APOLD1: variants seen among roughly 807,000 people sequenced by gnomAD.
APOLD1 encodes apolipoprotein L domain-containing protein 1.
APOLD1 carries 22 observed loss-of-function variants against 15.3 expected under a neutral mutation model. That is an observed-to-expected ratio of 1.44 (90% CI 1.03 to 2.05). The LOEUF (loss-of-function observed/expected upper bound fraction) is 2.05. Ranked by LOEUF, APOLD1 falls within the 30% of genes most tolerant of loss-of-function variation. The pLI is 0.00. For missense variants in APOLD1, 394 were observed against 353.5 expected (o/e 1.11, Z -0.92); for synonymous variants, 190 against 167.4 (o/e 1.13, Z -1.04).
chr12:12,786,896 T>C lies in APOLD1; in HGVS notation c.4-13T>C. 1.4e-6 allele frequency: 2 copies of C among 1,417,710 alleles called. No homozygotes were observed. The highest frequency in any genetic ancestry group is 3.4e-5 in the Admixed American group (1 of 29,198). The allele number at this position is 1,417,710 out of a possible 1,614,324, so 87.8% of individuals were successfully genotyped here. The stretch of plus-strand genomic sequence containing the variant: ...GGAGACTCCAGGCTGACCGCGTGTC[T>C]ATGTCCCCGCAGGGAATGGAGAGGC... On this transcript the variant is annotated splice_polypyrimidine_tract_variant and intron_variant, in intron 1 of 1. Coordinates refer to ENST00000356591, the MANE Select transcript of APOLD1 (RefSeq NM_030817.3).
intron 1 of APOLD1, among the ~76,000 whole-genome samples, chr12:12,747,237 A>G (rs1466657654): frequency 6.6e-6 from 1 of 152,102 alleles, no homozygotes; most frequent in East Asian, 1.9e-4. Context: ...TCGGCCTCCT[A>G]AAGCACTGGG....
At chr12:12,756,179 C>T (rs970048707) in intron 1 of APOLD1, among the ~76,000 whole-genome samples, 27 of 152,190 alleles carry the variant, frequency 1.8e-4, no homozygotes, top group African/African-American at 6.0e-4. Flanking sequence ...AAAAAGCCCA[C>T]GTGACTGCAT....
chr12:12,786,455 G>A (rs1010814637), intron 1 of APOLD1, among the ~76,000 whole-genome samples: 19 of 152,058 alleles, frequency 1.2e-4, no homozygotes, highest in African/African-American at 4.3e-4. Flanking sequence ...AGAGAAAAGT[G>A]TGTTGCAAAA....
chr12:12,777,055 T>C (rs1947041379), intron 1 of APOLD1, among the ~76,000 whole-genome samples: 2 of 152,232 alleles, frequency 1.3e-5, no homozygotes, highest in Admixed American at 6.5e-5. Flanking sequence ...TTATTGTGGA[T>C]ATTTTCTTTT....
chr12:12,788,895 AG>A lies in APOLD1; in HGVS notation c.*1244del, dbSNP rs1947156959. ...TGTGTCCCAGAAGCCAAAATGAGAGAGAGAGAGAGAGAGCACGCGTACGTGC... is the reference window on the plus strand; with the variant it reads ...TGTGTCCCAGAAGCCAAAATGAGAGAAGAGAGAGAGAGCACGCGTACGTGC... On this transcript the variant is annotated 3_prime_UTR_variant, in exon 2 of 2. Transcript: ENST00000356591. The A allele has an allele frequency of 6.6e-6, 1 of 152,064 alleles. No homozygotes were observed. Among genetic ancestry groups the A allele is most frequent in the Non-Finnish European group, 1.5e-5 (1 of 68,006 alleles). The allele number at this position is 152,064 out of a possible 1,614,324, so 9.4% of individuals were successfully genotyped here.
chr12:12,728,129 C>T (rs1352465746), intron 1 of APOLD1, among the ~76,000 whole-genome samples: 1 of 151,774 alleles, frequency 6.6e-6, no homozygotes, highest in African/African-American at 2.4e-5. Flanking sequence ...CCACATCCAG[C>T]AGTTTTTTTT....
chr12:12,779,853 T>C (rs1947065604), intron 1 of APOLD1, among the ~76,000 whole-genome samples: 1 of 152,182 alleles, frequency 6.6e-6, no homozygotes, highest in African/African-American at 2.4e-5. Flanking sequence ...TAAGGATGTG[T>C]GTGTACATTA....
At chr12:12,766,783 A>G (rs1946946127) in intron 1 of APOLD1, among the ~76,000 whole-genome samples, 1 of 152,206 alleles carries the variant, frequency 6.6e-6, no homozygotes, top group Admixed American at 6.5e-5. Context: ...CGGGAGGTGG[A>G]GGTTGCAGTG....
chr12:12,787,438 T>A lies in APOLD1; in HGVS notation c.533T>A (p.Phe178Tyr). 6.2e-7 allele frequency: 1 copy of A among 1,614,208 alleles called. No individual in the cohort carries two copies. The highest frequency in any genetic ancestry group is 1.3e-5 in the African/African-American group (1 of 75,058). ...ATCGTCTTCTTTGGCTCACGTGGCT[T>A]CCTCATCCCCAGGCGGGCGGAGGGG... ...YFIVFFGSRG[F>Y]LIPRRAEGDT... Residue 178 changes from phenylalanine to tyrosine, a missense_variant, in exon 2 of 2, where the codon TTC becomes TAC. Transcript: ENST00000356591. This position sits in a 1 kb window ranked among gnomAD's most constrained non-coding sequence, Gnocchi z 4.9.
At position 12,790,062 on chromosome 12, in the gene APOLD1, G is replaced by A. The variant is rs1229616395; in HGVS notation, c.*2410G>A. 6.7e-6 allele frequency: 1 copy of A among 149,680 alleles called. No homozygotes were observed. Among genetic ancestry groups the A allele is most frequent in the East Asian group, 2.0e-4 (1 of 5,104 alleles). 9.3% of individuals were successfully genotyped at this position (149,680 alleles called of 1,614,324 possible). Reference sequence around the variant, plus strand: ...CTGTCACCTAGGCTGGAGTTGCAGTGGTTTGATCTCGGCTCACTGCAACCT... The same window carrying A: ...CTGTCACCTAGGCTGGAGTTGCAGTAGTTTGATCTCGGCTCACTGCAACCT... On this transcript the variant is annotated 3_prime_UTR_variant, in exon 2 of 2. Transcript: ENST00000356591.
chr12:12,729,424 AT>A (rs887822830), intron 1 of APOLD1, among the ~76,000 whole-genome samples: 7 of 151,538 alleles, frequency 4.6e-5, no homozygotes, highest in African/African-American at 1.2e-4. Flanking sequence ...ATAAGATGTA[AT>A]TTTTTTTTCT....
chr12:12,782,735 T>C (rs1947092252), upstream of APOLD1, among the ~76,000 whole-genome samples: 1 of 152,124 alleles, frequency 6.6e-6, no homozygotes, highest in Non-Finnish European at 1.5e-5. Context: ...CAACTACCAT[T>C]TTCAGTGTAG....
intron 1 of APOLD1, among the ~76,000 whole-genome samples, chr12:12,761,034 A>T (rs1946894908): frequency 6.6e-6 from 1 of 152,232 alleles, no homozygotes; most frequent in Non-Finnish European, 1.5e-5. Context: ...CTAAACCTAG[A>T]ATGTGATAGC....
At chr12:12,752,564 T>C (rs1314620336) in intron 1 of APOLD1, among the ~76,000 whole-genome samples, 2 of 152,006 alleles carry the variant, frequency 1.3e-5, no homozygotes, top group African/African-American at 4.8e-5. Context: ...TGAACAAAAA[T>C]GATACAATCT....
At position 12,745,778 on chromosome 12, in the gene APOLD1, G is replaced by C. The variant is rs73281169; in HGVS notation, c.96+19682G>C. On this transcript the variant is annotated intron_variant, in intron 1 of 1. Transcript: ENST00000326765. Reference sequence around the variant, plus strand: ...TAGCACAAATAGTTTCAGGTGGGAAGGGGGAGGAAAAAGGGAAGCAAAAGG... The same window carrying C: ...TAGCACAAATAGTTTCAGGTGGGAACGGGGAGGAAAAAGGGAAGCAAAAGG... Among the ~76,000 whole-genome samples, 19 of 152,214 alleles carry C rather than the reference G, an allele frequency of 1.2e-4. 1 individual carries two copies. The highest frequency in any genetic ancestry group is 4.6e-4 in the African/African-American group (19 of 41,468).
At chr12:12,769,399 C>T (rs1234060776) in intron 1 of APOLD1, among the ~76,000 whole-genome samples, 2 of 152,100 alleles carry the variant, frequency 1.3e-5, no homozygotes, top group African/African-American at 4.8e-5. Context: ...ATTACTGGAG[C>T]AGAAATCTTC....
At chr12:12,779,075 T>C (rs777107947) in intron 1 of APOLD1, among the ~76,000 whole-genome samples, 13 of 152,144 alleles carry the variant, frequency 8.5e-5, no homozygotes, top group Non-Finnish European at 1.6e-4. Context: ...ACTCCTCCAT[T>C]CCTTTGTCCA....
chr12:12,767,656 A>G (rs1268097561), intron 1 of APOLD1, among the ~76,000 whole-genome samples: 2 of 152,228 alleles, frequency 1.3e-5, no homozygotes, highest in East Asian at 3.8e-4. Context: ...ACTATGTCTC[A>G]AAACAAAACA....
chr12:12,730,024 CTT>C (rs1388762113), intron 1 of APOLD1, among the ~76,000 whole-genome samples: 6 of 101,732 alleles, frequency 5.9e-5, no homozygotes, highest in Admixed American at 1.1e-4. Context: ...GCCCAGCTAA[CTT>C]TGTGTGTGTG....
Sources: allele counts gnomAD v4.1 joint callset (sites outside exome capture counted in the v4.1 genomes callset), GRCh38; gene constraint gnomAD v4.1.1; non-coding constraint Gnocchi (gnomAD v3.1); transcripts MANE v1.5; gene names NCBI Gene and HGNC (gene_info 2026-07-23, HGNC 2026-07-21).